Variants in NRG3 observed in about 807,000 individuals in gnomAD.
NRG3 encodes pro-neuregulin-3, membrane-bound isoform.
Under a neutral mutation model 66.9 loss-of-function variants are expected in NRG3, and 31 were observed. That is an observed-to-expected ratio of 0.46 (90% CI 0.35 to 0.63). The LOEUF (loss-of-function observed/expected upper bound fraction) is 0.63. Among genes scored for constraint, NRG3 ranks in the 20% least tolerant of loss-of-function variants. The probability of loss-of-function intolerance (pLI) is 0.00; values close to 1 mark genes in which losing one functional copy is unlikely to be tolerated. For synonymous variants in NRG3, 393 were observed against 359.4 expected, an observed-to-expected ratio of 1.09 and a Z score of -1.06; for missense variants, 910 against 878.9, an observed-to-expected ratio of 1.04 and a Z score of -0.45.
At chr10:82,868,572 T>C (rs1840989963) in intron 4 of NRG3, among the ~76,000 whole-genome samples, 1 of 152,212 alleles carries the variant, frequency 6.6e-6, no homozygotes, top group Non-Finnish European at 1.5e-5. Context: ...AGTGAATAGC[T>C]TTATAAATTT....
intron 2 of NRG3, among the ~76,000 whole-genome samples, chr10:82,383,936 CAA>C (rs2085801159): frequency 1.3e-5 from 2 of 151,746 alleles, no homozygotes; most frequent in Admixed American, 1.3e-4. Context: ...TTATTTTTAT[CAA>C]GTGGATGTGT....
intron 2 of NRG3, among the ~76,000 whole-genome samples, chr10:82,573,207 C>A (rs951606971): frequency 1.3e-5 from 2 of 151,832 alleles, no homozygotes; most frequent in South Asian, 4.1e-4. Flanking sequence ...TTGTTAGAGA[C>A]CCAAGGTTGA....
chr10:82,226,600 G>A (rs1191697642), intron 1 of NRG3, among the ~76,000 whole-genome samples: 1 of 152,072 alleles, frequency 6.6e-6, no homozygotes, highest in Non-Finnish European at 1.5e-5. Flanking sequence ...TTATTAGCAG[G>A]TCATATGATA....
At chr10:82,709,649 A>G (rs2056538625) in intron 2 of NRG3, among the ~76,000 whole-genome samples, 1 of 151,890 alleles carries the variant, frequency 6.6e-6, no homozygotes, top group Non-Finnish European at 1.5e-5. Flanking sequence ...AAAGTGCTGG[A>G]ACCAGCGGCT....
At chr10:81,919,274 T>A (rs763610009) in intron 1 of NRG3, among the ~76,000 whole-genome samples, 8 of 152,178 alleles carry the variant, frequency 5.3e-5, no homozygotes, top group Admixed American at 2.0e-4. Flanking sequence ...TATATAAGAA[T>A]AGGATATAAG....
At chr10:82,694,683 G>T (rs1480586853) in intron 2 of NRG3, among the ~76,000 whole-genome samples, 4 of 152,158 alleles carry the variant, frequency 2.6e-5, no homozygotes, top group Admixed American at 2.6e-4. Flanking sequence ...AGCCCAGAAG[G>T]TTGAGGCTGC....
chr10:82,201,508 T>TC, intron 1 of NRG3, among the ~76,000 whole-genome samples: 1 of 152,236 alleles, frequency 6.6e-6, no homozygotes, highest in Admixed American at 6.5e-5. Flanking sequence ...CTTAGTGAAA[T>TC]CTACTACAGG....
At chr10:82,541,303 C>T (rs1389038471) in intron 2 of NRG3, among the ~76,000 whole-genome samples, 2 of 152,070 alleles carry the variant, frequency 1.3e-5, no homozygotes, top group East Asian at 3.8e-4. Context: ...AATATATATA[C>T]TCATCTTGTA....
chr10:81,948,112 TAC>T (rs1230513134), intron 1 of NRG3, among the ~76,000 whole-genome samples: 1 of 152,200 alleles, frequency 6.6e-6, no homozygotes, highest in Non-Finnish European at 1.5e-5. Flanking sequence ...CTGTGGGCAT[TAC>T]ATATTCTTGT....
intron 5 of NRG3, among the ~76,000 whole-genome samples, chr10:82,958,553 A>G (rs1440973847): frequency 2.6e-5 from 4 of 152,238 alleles, no homozygotes; most frequent in Non-Finnish European, 5.9e-5. Flanking sequence ...ACAAATATAA[A>G]TGTAACTCTA....
intron 1 of NRG3, among the ~76,000 whole-genome samples, chr10:81,957,511 T>G (rs1024765504): frequency 6.6e-6 from 1 of 152,238 alleles, no homozygotes; most frequent in East Asian, 1.9e-4. Flanking sequence ...CATATACTTA[T>G]CACTGTCTGA....
intron 1 of NRG3, among the ~76,000 whole-genome samples, chr10:82,198,611 C>T (rs1001969422): frequency 1.3e-5 from 2 of 152,130 alleles, no homozygotes; most frequent in African/African-American, 4.8e-5. Context: ...AGTGTTGTTT[C>T]ATTCATTTAT....
chr10:81,900,247 C>T (rs568855987), intron 1 of NRG3, among the ~76,000 whole-genome samples: 3 of 129,726 alleles, frequency 2.3e-5, no homozygotes, highest in African/African-American at 7.2e-5. Context: ...TGCGCCTGGC[C>T]GGTTTTTAAC....
chr10:82,540,994 A>G (rs1425743592), intron 2 of NRG3, among the ~76,000 whole-genome samples: 1 of 152,144 alleles, frequency 6.6e-6, no homozygotes, highest in Non-Finnish European at 1.5e-5. Flanking sequence ...TTGAACACGC[A>G]AAGAGAGATG....
intron 1 of NRG3, among the ~76,000 whole-genome samples, chr10:82,100,597 A>G (rs962606252): frequency 1.6e-4 from 24 of 152,184 alleles, no homozygotes; most frequent in Middle Eastern, 3.4e-3. Context: ...TTAATCTGTC[A>G]AATCTGTCAG....
intron 1 of NRG3, among the ~76,000 whole-genome samples, chr10:81,970,132 G>T (rs1564700041): frequency 6.6e-6 from 1 of 152,156 alleles, no homozygotes; most frequent in Non-Finnish European, 1.5e-5. Context: ...TACTTTAAAA[G>T]TAACTTTTCT....
chr10:82,835,932 G>A (rs979100661), intron 3 of NRG3, among the ~76,000 whole-genome samples: 3 of 152,104 alleles, frequency 2.0e-5, no homozygotes, highest in African/African-American at 7.2e-5. Flanking sequence ...TGGATTAAGT[G>A]ATTCCAAGAG....
At chr10:82,003,985 G>GAA (rs1325014940) in intron 1 of NRG3, among the ~76,000 whole-genome samples, 1 of 115,776 alleles carries the variant, frequency 8.6e-6, no homozygotes, top group East Asian at 2.7e-4. Flanking sequence ...ATACCTGACT[G>GAA]AAAACACACA....
At chr10:82,945,662 C>G (rs1004503953) in intron 4 of NRG3, among the ~76,000 whole-genome samples, 1 of 151,544 alleles carries the variant, frequency 6.6e-6, no homozygotes, top group Admixed American at 6.6e-5. Flanking sequence ...GATAACTAAC[C>G]CCCTCCTGTG....
Sources: gnomAD v4.1 joint callset for allele counts (sites outside exome capture counted in the v4.1 genomes callset) on GRCh38, gnomAD v4.1.1 for gene constraint, MANE v1.5 for transcripts, NCBI Gene and HGNC (gene_info 2026-07-23, HGNC 2026-07-21) for gene names.